CEACAM5: variants seen among roughly 807,000 people sequenced by gnomAD.
CEACAM5 encodes cell adhesion molecule CEACAM5.
In CEACAM5, 52 loss-of-function variants were observed where a neutral mutation model predicts 63.0. That is an observed-to-expected ratio of 0.83 (90% CI 0.66 to 1.04). The LOEUF is 1.04. Among genes scored for constraint, CEACAM5 ranks in the 50% least tolerant of loss-of-function variants. CEACAM5 has a pLI of 0.00. For missense variants in CEACAM5, 790 were observed against 864.8 expected, an observed-to-expected ratio of 0.91 and a Z score of 1.08; for synonymous variants, 357 against 351.3, an observed-to-expected ratio of 1.02 and a Z score of -0.18.
At chr19:41,715,969 G>A in intron 4 of CEACAM5, 65 bp downstream of exon 4, 1 of 1,561,224 alleles carries the variant, frequency 6.4e-7, no homozygotes, top group Non-Finnish European at 8.7e-7. Flanking sequence ...TTTCAAACAA[G>A]AGCCAGGAAG....
chr19:41,728,751 C>T (rs1415680998), intron 9 of CEACAM5, among the ~76,000 whole-genome samples: 1 of 139,236 alleles, frequency 7.2e-6, no homozygotes, highest in Non-Finnish European at 1.5e-5. Context: ...CGTGCCACTG[C>T]ACTCCAGCCT....
intron 3 of CEACAM5, 143 bp downstream of exon 3, chr19:41,715,392 A>T (rs2072507137): frequency 7.4e-7 from 1 of 1,353,278 alleles, no homozygotes; most frequent in African/African-American, 1.4e-5. Flanking sequence ...TCTGCCCCAG[A>T]AAAACCTGGG....
At chr19:41,728,119 C>A (rs1487645542) in intron 9 of CEACAM5, among the ~76,000 whole-genome samples, 1 of 152,166 alleles carries the variant, frequency 6.6e-6, no homozygotes, top group Non-Finnish European at 1.5e-5. Context: ...GACTGAGAAC[C>A]TTTTCCTGAT....
intron 8 of CEACAM5, among the ~76,000 whole-genome samples, chr19:41,722,136 C>A (rs2072630956): frequency 6.6e-6 from 1 of 151,948 alleles, no homozygotes; most frequent in South Asian, 2.1e-4. Flanking sequence ...GGTGGCTCAT[C>A]CCTGTAATCC....
rs558817641 is a variant in CEACAM5, at chr19:41,730,146, C to T, written c.*999C>T. Among the ~76,000 whole-genome samples the T allele has an allele frequency of 1.3e-5, 2 of 152,274 alleles. No homozygotes were observed. Among genetic ancestry groups the T allele is most frequent in the South Asian group, 2.1e-4 (1 of 4,828 alleles). ...TTTAAAAAAGTCTGTGTGGGCCGGGCGCGGTGGCTCACGCCTGTAATCCCA... is the reference window on the plus strand; with the variant it reads ...TTTAAAAAAGTCTGTGTGGGCCGGGTGCGGTGGCTCACGCCTGTAATCCCA... On this transcript the variant is annotated 3_prime_UTR_variant, in exon 10 of 10. Transcript: ENST00000221992.
chr19:41,719,877 G>A (rs2072589388), intron 6 of CEACAM5, 53 bp from the exon 7 acceptor site: 2 of 1,608,800 alleles, frequency 1.2e-6, no homozygotes, highest in South Asian at 1.1e-5. Context: ...AAAGATGCCT[G>A]TGAGGAATCA....
chr19:41,724,605 AT>A (rs1356770391), intron 8 of CEACAM5, among the ~76,000 whole-genome samples: 1 of 152,272 alleles, frequency 6.6e-6, no homozygotes, highest in Non-Finnish European at 1.5e-5. Flanking sequence ...TGAAAAAAAA[AT>A]GTCTTTCCAT....
At chr19:41,713,539 C>T (rs1156244217) in intron 2 of CEACAM5, among the ~76,000 whole-genome samples, 1 of 152,174 alleles carries the variant, frequency 6.6e-6, no homozygotes, top group Admixed American at 6.5e-5. Context: ...ACCTCCTCAT[C>T]CTGCATAACT....
rs2072612803 is a variant in CEACAM5, at chr19:41,721,021, A to G, written c.1871A>G (p.Gln624Arg). The change falls in exon 8 of 10, where the codon CAG becomes CGG. Residue 624 changes from glutamine (Q) to arginine (R), a missense_variant. Transcript: ENST00000221992. ...SCHSASNPSP[Q>R]YSWRINGIPQ... ...CACTCGGCCTCTAACCCATCCCCGC[A>G]GTATTCTTGGCGTATCAATGGGATA... The G allele has an allele frequency of 2.5e-6, 4 of 1,614,042 alleles. No individual in the cohort carries two copies. The East Asian group carries it at 6.7e-5, about 27-fold the overall frequency.
chr19:41,716,129 G>C (rs1357073842), intron 4 of CEACAM5, among the ~76,000 whole-genome samples: 1 of 152,188 alleles, frequency 6.6e-6, no homozygotes, highest in Non-Finnish European at 1.5e-5. Context: ...TGGGGAGGAG[G>C]CTCCCTCAGC....
At chr19:41,728,117 A>C (rs2072724384) in intron 9 of CEACAM5, among the ~76,000 whole-genome samples, 1 of 152,228 alleles carries the variant, frequency 6.6e-6, no homozygotes, top group South Asian at 2.1e-4. Context: ...GTGACTGAGA[A>C]CCTTTTCCTG....
intron 8 of CEACAM5, among the ~76,000 whole-genome samples, chr19:41,722,267 G>A (rs1555816355): frequency 6.6e-6 from 1 of 151,320 alleles, no homozygotes; most frequent in East Asian, 1.9e-4. Context: ...GGGAGGCTGA[G>A]GCAGGAGAAT....
In CEACAM5 at chr19:41,717,473, T is replaced by C. The variant is rs570298013; in HGVS notation, c.977T>C (p.Phe326Ser). 1 of 1,613,878 alleles carries C rather than the reference T, an allele frequency of 6.2e-7. No individual in the cohort carries two copies. The highest frequency in any genetic ancestry group is 1.1e-5 in the South Asian group (1 of 91,056). Residue 326 changes from phenylalanine (F) to serine (S), a missense_variant, in exon 5 of 10, where the codon TTC (phenylalanine) becomes TCC (serine). Transcript: ENST00000221992. Reference protein sequence around the residue: ...ITVYAEPPKPFITSNNSNPVE... With the variant: ...ITVYAEPPKPSITSNNSNPVE... ...TGCACAGCAGAGCCACCCAAACCCTTCATCACCAGCAACAACTCCAACCCC... is the reference window on the plus strand; with the variant it reads ...TGCACAGCAGAGCCACCCAAACCCTCCATCACCAGCAACAACTCCAACCCC...
In CEACAM5 at chr19:41,709,835, G is replaced by T. The variant is rs1555813698; in HGVS notation, c.220G>T (p.Asp74Tyr). The change falls in exon 2 of 10, where the codon GAT becomes TAT. Residue 74 changes from aspartate (D) to tyrosine (Y), a missense_variant. Transcript: ENST00000221992. ...CAGCTGGTACAAAGGTGAAAGAGTG[G>T]ATGGCAACCGTCAAATTATAGGATA... ...GYSWYKGERV[D>Y]GNRQIIGYVI... is the part of the protein sequence containing the mutation. 6.2e-7 allele frequency: 1 copy of T among 1,613,892 alleles called. No individual in the cohort carries two copies. Among genetic ancestry groups the T allele is most frequent in the African/African-American group, 1.3e-5 (1 of 74,818 alleles).
In CEACAM5 at chr19:41,715,867, C is replaced by A. The variant is rs1242236940; in HGVS notation, c.921C>A (p.Gly307=). Residue 307 remains glycine, a synonymous_variant, in exon 4 of 10, where the codon GGC becomes GGA. Transcript: ENST00000221992. ...GCCAAGCCCATAACTCAGACACTGGCCTCAATAGGACCACAGTCACGACGA... is the reference window on the plus strand; with the variant it reads ...GCCAAGCCCATAACTCAGACACTGGACTCAATAGGACCACAGTCACGACGA... ...YTCQAHNSDT[G]LNRTTVTTIT... is the part of the protein sequence containing the mutation. The A allele has an allele frequency of 6.2e-7, 1 of 1,614,044 alleles. No individual in the cohort carries two copies. Among genetic ancestry groups the A allele is most frequent in the Non-Finnish European group, 8.5e-7 (1 of 1,180,030 alleles).
chr19:41,715,638 T>C lies in CEACAM5; in HGVS notation c.704-12T>C. The C allele has an allele frequency of 6.2e-7, 1 of 1,614,002 alleles. No individual in the cohort carries two copies. Among genetic ancestry groups the C allele is most frequent in the Non-Finnish European group, 8.5e-7 (1 of 1,179,894 alleles). On this transcript the variant is annotated splice_polypyrimidine_tract_variant and intron_variant, in intron 3 of 9. Transcript: ENST00000221992. The stretch of plus-strand genomic sequence containing the variant: ...GACAATATCACCTGTGGCTTTATTT[T>C]GTTTGCTCCAGATGGCCCGGATGCC...
rs181391118 is a variant in CEACAM5, at chr19:41,722,437, C to A, written c.2026+1261C>A. Among the ~76,000 whole-genome samples, 14 of 151,982 alleles carry A rather than the reference C, an allele frequency of 9.2e-5. No homozygotes were observed. In the East Asian group the frequency reaches 2.1e-3, roughly 23 times the overall value. On this transcript the variant is annotated intron_variant, in intron 8 of 9. Transcript: ENST00000221992. ...TGTCTAACCATCACATCACACTATC[C>A]ATTTCCAGAACTTTTTCATCTTACC...
intron 8 of CEACAM5, among the ~76,000 whole-genome samples, chr19:41,722,245 T>C (rs1165103613): frequency 1.3e-5 from 2 of 150,834 alleles, no homozygotes; most frequent in African/African-American, 4.9e-5. Flanking sequence ...GTGCCTGTAA[T>C]CCCAGCTACT....
chr19:41,718,412 T>C lies in CEACAM5; in HGVS notation c.1492+30T>C, dbSNP rs782437358. The C allele has an allele frequency of 3.1e-6, 5 of 1,607,778 alleles. No individual in the cohort carries two copies. The East Asian group carries it at 1.1e-4, about 36-fold the overall frequency. On this transcript the variant is annotated intron_variant, in intron 6 of 9. Coordinates refer to ENST00000221992, the MANE Select transcript of CEACAM5 (RefSeq NM_004363.6). The stretch of plus-strand genomic sequence containing the variant: ...GTGGATCCCTGGACCGTTAGCAATA[T>C]GTTCTGGAGCGGAATCTGTCTGGTT...
Sources: gnomAD v4.1 joint callset for allele counts (sites outside exome capture counted in the v4.1 genomes callset) on GRCh38, gnomAD v4.1.1 for gene constraint, MANE v1.5 for transcripts, NCBI Gene and HGNC (gene_info 2026-07-23, HGNC 2026-07-21) for gene names.